The following NFIA variants were observed in gnomAD, a reference collection of about 807,000 sequenced individuals.
NFIA encodes the protein nuclear factor 1 A-type.
In NFIA, 8 loss-of-function variants were observed where a neutral mutation model predicts 62.8. The ratio of observed to expected loss-of-function variants is 0.13; its 90% CI spans 0.07 to 0.23. NFIA has a LOEUF of 0.23. Ranked by LOEUF, NFIA falls within the 10% of genes least tolerant of loss-of-function variation. NFIA has a pLI of 1.00. For synonymous variants in NFIA, 235 were observed against 238.1 expected, an observed-to-expected ratio of 0.99 and a Z score of 0.12; for missense variants, 410 against 642.1, an observed-to-expected ratio of 0.64 and a Z score of 3.91.
intron 10 of NFIA, among the ~76,000 whole-genome samples, chr1:61,453,329 G>A (rs1168208451): frequency 6.6e-6 from 1 of 151,036 alleles, no homozygotes; most frequent in Non-Finnish European, 1.5e-5. Context: ...GACTTGAAAA[G>A]AGAACAATAG....
In NFIA at chr1:61,406,614, T is replaced by TGTTGCC; in HGVS notation, c.1308_1313dup (p.Leu437_Pro438dup). ...CACAACCCATTCCTTCCCACCCCAA[T>TGTTGCC]GTTGCCACCGCCACCGCCACCACCG... On this transcript the variant is annotated inframe_insertion, in exon 9 of 11. Coordinates refer to ENST00000403491, the MANE Select transcript of NFIA (RefSeq NM_001134673.4). 7.5e-7 allele frequency: 1 copy of TGTTGCC among 1,337,918 alleles called. No individual in the cohort carries two copies. The highest frequency in any genetic ancestry group is 9.8e-7 in the Non-Finnish European group (1 of 1,016,162). 82.9% of individuals were successfully genotyped at this position (1,337,918 alleles called of 1,614,324 possible). A position where few individuals can be genotyped will look rare whatever the true frequency, so the allele number is the denominator to read the frequency against.
chr1:61,193,252 A>G (rs1651766039), intron 2 of NFIA, among the ~76,000 whole-genome samples: 1 of 152,230 alleles, frequency 6.6e-6, no homozygotes, highest in Non-Finnish European at 1.5e-5. Flanking sequence ...ATAGTTGAGT[A>G]TAAAATTGAG....
intron 7 of NFIA, 125 bp downstream of exon 7, chr1:61,383,490 A>G: frequency 8.2e-7 from 1 of 1,224,512 alleles, no homozygotes; most frequent in Non-Finnish European, 1.1e-6. Context: ...CCAATTTCTT[A>G]CCCTTGGGGG....
chr1:61,406,543 GCC>G lies in NFIA; in HGVS notation c.1255-6_1255-5del, dbSNP rs58081092. Reference sequence around the variant, plus strand: ...TCTTTTTCTTGTACGTGTGTTTTCTGCCCCCCCCCCCCCCACAGCCCAATGGG... The same window carrying G: ...TCTTTTTCTTGTACGTGTGTTTTCTGCCCCCCCCCCCCACAGCCCAATGGG... On this transcript the variant is annotated splice_polypyrimidine_tract_variant and intron_variant, in intron 8 of 10. Coordinates refer to ENST00000403491, the MANE Select transcript of NFIA (RefSeq NM_001134673.4). The G allele has an allele frequency of 0.037, 31,591 of 863,634 alleles. 846 individuals carry two copies. Among genetic ancestry groups the G allele is most frequent in the African/African-American group, 0.17 (6,339 of 37,304 alleles). 53.5% of individuals were successfully genotyped at this position (863,634 alleles called of 1,614,324 possible).
chr1:61,084,944 G>C (rs1242010842), intron 1 of NFIA, among the ~76,000 whole-genome samples: 1 of 151,230 alleles, frequency 6.6e-6, no homozygotes, highest in South Asian at 2.1e-4. Flanking sequence ...TAAGAGAAAT[G>C]CTTATTTAGT....
At chr1:61,330,609 C>T (rs904555174) in intron 3 of NFIA, among the ~76,000 whole-genome samples, 1 of 152,122 alleles carries the variant, frequency 6.6e-6, no homozygotes. Context: ...TTCCCAAGTC[C>T]TTGCACCTAA....
At chr1:61,197,985 GA>G (rs1166454515) in intron 2 of NFIA, among the ~76,000 whole-genome samples, 1 of 151,932 alleles carries the variant, frequency 6.6e-6, no homozygotes, top group Non-Finnish European at 1.5e-5. Flanking sequence ...ATGCAAGAAA[GA>G]AAGAAAGAGA....
At chr1:61,082,026 G>C, upstream of NFIA, 1 of 1,549,412 alleles carries the variant, frequency 6.5e-7, no homozygotes, top group Non-Finnish European at 8.7e-7. Flanking sequence ...ACCTGGCAAA[G>C]TTGCCCAAGT....
At chr1:61,352,784 C>CACACAT (rs778394671) in intron 5 of NFIA, among the ~76,000 whole-genome samples, 1 of 149,938 alleles carries the variant, frequency 6.7e-6, no homozygotes, top group African/African-American at 2.5e-5. Flanking sequence ...CACACACACA[C>CACACAT]GCACACACAC....
chr1:61,120,015 T>A (rs1646862091), intron 2 of NFIA, among the ~76,000 whole-genome samples: 1 of 152,232 alleles, frequency 6.6e-6, no homozygotes, highest in African/African-American at 2.4e-5. Context: ...CAAAGAAATC[T>A]GATCTATATG....
upstream of NFIA, among the ~76,000 whole-genome samples, chr1:61,081,425 A>G (rs920545743): frequency 6.6e-6 from 1 of 152,186 alleles, no homozygotes; most frequent in Non-Finnish European, 1.5e-5. Context: ...GATTCTTAAA[A>G]GGCACCCTTC....
At chr1:61,108,413 A>G (rs1646640630) in intron 2 of NFIA, among the ~76,000 whole-genome samples, 1 of 151,718 alleles carries the variant, frequency 6.6e-6, no homozygotes, top group African/African-American at 2.4e-5. Flanking sequence ...GTATAGAAAT[A>G]CAGTTACTTT....
intron 3 of NFIA, among the ~76,000 whole-genome samples, chr1:61,292,970 G>A (rs1048253513): frequency 4.6e-5 from 7 of 152,156 alleles, no homozygotes; most frequent in Admixed American, 3.3e-4. Context: ...GTTGGGTTGA[G>A]CACCTTCTCT....
intron 5 of NFIA, 94 bp from the exon 6 acceptor site, chr1:61,359,053 C>T: frequency 6.5e-7 from 1 of 1,534,910 alleles, no homozygotes; most frequent in East Asian, 2.3e-5. Flanking sequence ...TGCCCAATTG[C>T]TTCCTCCCTT....
At chr1:61,238,490 C>G (rs1356113581) in intron 2 of NFIA, among the ~76,000 whole-genome samples, 3 of 152,094 alleles carry the variant, frequency 2.0e-5, no homozygotes, top group African/African-American at 7.2e-5. Context: ...ACCCTTCTGT[C>G]AAGAAACTGC....
At chr1:61,229,073 G>A (rs1654507621) in intron 2 of NFIA, among the ~76,000 whole-genome samples, 1 of 151,520 alleles carries the variant, frequency 6.6e-6, no homozygotes, top group East Asian at 1.9e-4. Context: ...TATAGGGGAG[G>A]AAATAAATAT....
chr1:61,408,710 G>A (rs1279581155), intron 9 of NFIA, among the ~76,000 whole-genome samples: 2 of 152,206 alleles, frequency 1.3e-5, no homozygotes, highest in Non-Finnish European at 1.5e-5. Flanking sequence ...GTAATGTGTG[G>A]CTGTTCAAGT....
intron 10 of NFIA, among the ~76,000 whole-genome samples, chr1:61,432,668 G>GAT (rs1248139111): frequency 2.1e-4 from 21 of 97,684 alleles, no homozygotes; most frequent in Admixed American, 1.8e-3. Flanking sequence ...TATATACAGA[G>GAT]ATATATATAC....
intron 2 of NFIA, among the ~76,000 whole-genome samples, chr1:61,127,327 C>T (rs191610120): frequency 2.0e-5 from 3 of 151,514 alleles, no homozygotes; most frequent in Non-Finnish European, 4.4e-5. Context: ...CATGGTGGCG[C>T]ACACCCATAG....
Sources: allele counts gnomAD v4.1 joint callset (sites outside exome capture counted in the v4.1 genomes callset), GRCh38; gene constraint gnomAD v4.1.1; transcripts MANE v1.5; gene names NCBI Gene and HGNC (gene_info 2026-07-23, HGNC 2026-07-21).